Variants in BBS9 observed in about 807,000 individuals in gnomAD.
The protein encoded by BBS9 is Bardet-Biedl syndrome 9, also known as protein PTHB1.
A neutral mutation model predicts 117.7 loss-of-function variants in BBS9; 89 were observed. That is an observed-to-expected ratio of 0.76 (90% confidence interval 0.64 to 0.90). The LOEUF (loss-of-function observed/expected upper bound fraction) is 0.90. BBS9 is among the 40% of genes least tolerant of loss of function. The probability of loss-of-function intolerance (pLI) is 0.00; values close to 1 mark genes in which losing one functional copy is unlikely to be tolerated. For synonymous variants in BBS9, 379 were observed against 370.9 expected (o/e 1.02, Z -0.25); for missense variants, 982 against 1,042.2 (o/e 0.94, Z 0.80).
intron 19 of BBS9, among the ~76,000 whole-genome samples, chr7:33,499,830 C>A (rs976352637): frequency 6.6e-6 from 1 of 152,018 alleles, no homozygotes; most frequent in African/African-American, 2.4e-5. Flanking sequence ...TAGCACAGCC[C>A]CTGGCTCCTA....
At chr7:33,346,364 C>T (rs1216043475) in intron 12 of BBS9, 1 of 403,982 alleles carries the variant, frequency 2.5e-6, no homozygotes, top group East Asian at 7.5e-5. Flanking sequence ...CTATTCCAGG[C>T]AACTAGGCGA....
At chr7:33,575,890 T>A (rs527361763) in intron 21 of BBS9, among the ~76,000 whole-genome samples, 1 of 152,290 alleles carries the variant, frequency 6.6e-6, no homozygotes, top group South Asian at 2.1e-4. Context: ...AAACTAGGTA[T>A]TGATGGAACA....
chr7:33,454,948 T>A (rs1175503406), intron 19 of BBS9, among the ~76,000 whole-genome samples: 1 of 152,200 alleles, frequency 6.6e-6, no homozygotes, highest in Non-Finnish European at 1.5e-5. Flanking sequence ...TTTATCTTTC[T>A]GGTGTAAGAG....
At chr7:33,556,294 C>T (rs527434103) in intron 21 of BBS9, among the ~76,000 whole-genome samples, 5 of 152,164 alleles carry the variant, frequency 3.3e-5, no homozygotes, top group Non-Finnish European at 7.3e-5. Flanking sequence ...ATCCCTACCC[C>T]GACTTACTGT....
At chr7:33,562,884 A>G (rs1856301176) in intron 21 of BBS9, among the ~76,000 whole-genome samples, 1 of 152,150 alleles carries the variant, frequency 6.6e-6, no homozygotes. Context: ...GGATTGTGCC[A>G]CTGCACTCCA....
intron 21 of BBS9, among the ~76,000 whole-genome samples, chr7:33,558,632 A>G (rs899108549): frequency 1.1e-4 from 16 of 152,202 alleles, no homozygotes; most frequent in African/African-American, 3.6e-4. Flanking sequence ...TTATGAACCT[A>G]TTATCTCTTA....
intron 19 of BBS9, among the ~76,000 whole-genome samples, chr7:33,447,137 G>A (rs1837111733): frequency 6.6e-6 from 1 of 152,218 alleles, no homozygotes; most frequent in South Asian, 2.1e-4. Flanking sequence ...GGAAGAAATA[G>A]GAAAACAAAG....
chr7:33,467,011 TTCTC>T (rs576849835), intron 19 of BBS9, among the ~76,000 whole-genome samples: 14 of 105,180 alleles, frequency 1.3e-4, no homozygotes, highest in African/African-American at 4.3e-4. Context: ...CATTCATTCA[TTCTC>T]TCTCTCTCTC....
intron 9 of BBS9, among the ~76,000 whole-genome samples, chr7:33,303,701 G>T (rs1807076458): frequency 6.6e-6 from 1 of 152,054 alleles, no homozygotes; most frequent in African/African-American, 2.4e-5. Context: ...TGGAGACGGG[G>T]TTTCGCCGTG....
intron 21 of BBS9, among the ~76,000 whole-genome samples, chr7:33,564,981 G>A (rs1231618175): frequency 6.6e-6 from 1 of 152,180 alleles, no homozygotes; most frequent in Non-Finnish European, 1.5e-5. Flanking sequence ...AGGCTACACA[G>A]GGAAGTGAAA....
At chr7:33,508,264 T>C (rs1366820124) in intron 20 of BBS9, among the ~76,000 whole-genome samples, 1 of 152,224 alleles carries the variant, frequency 6.6e-6, no homozygotes, top group Admixed American at 6.5e-5. Context: ...TTTCTTTCCT[T>C]CTATGTTATC....
At chr7:33,611,578 G>T (rs1212551553) in intron 21 of BBS9, among the ~76,000 whole-genome samples, 1 of 120,596 alleles carries the variant, frequency 8.3e-6, no homozygotes, top group African/African-American at 3.5e-5. Context: ...AATATATAAG[G>T]TATATATTAT....
intron 19 of BBS9, among the ~76,000 whole-genome samples, chr7:33,436,267 G>T (rs1835290773): frequency 6.6e-6 from 1 of 152,182 alleles, no homozygotes; most frequent in African/African-American, 2.4e-5. Flanking sequence ...CATTGCTATT[G>T]CTGGTGATGT....
At chr7:33,250,858 G>A (rs1274187541) in intron 5 of BBS9, among the ~76,000 whole-genome samples, 6 of 152,182 alleles carry the variant, frequency 3.9e-5, no homozygotes, top group African/African-American at 9.7e-5. Flanking sequence ...TTACAAAGAT[G>A]AGTAAGATAT....
intron 19 of BBS9, among the ~76,000 whole-genome samples, chr7:33,411,011 G>GTTTTTTTTT (rs765425062): frequency 3.1e-5 from 3 of 96,424 alleles, no homozygotes; most frequent in Admixed American, 1.2e-4. Flanking sequence ...AAATGTTGGT[G>GTTTTTTTTT]TTTTTTTTTT....
chr7:33,358,874 G>A (rs1820112189), intron 16 of BBS9, among the ~76,000 whole-genome samples: 1 of 151,766 alleles, frequency 6.6e-6, no homozygotes, highest in South Asian at 2.1e-4. Context: ...CAACTTTTGT[G>A]TTATTAACTA....
rs537463233 is a variant in BBS9, at chr7:33,586,322, C to T, written c.2522-18543C>T. ...ATCACTAATCACCAGAGAAATGCCA[C>T]CCAAAACCACAATGGGATACCAACT... On this transcript the variant is annotated intron_variant, in intron 21 of 22. Coordinates refer to ENST00000242067, the MANE Select transcript of BBS9 (RefSeq NM_198428.3). Among the ~76,000 whole-genome samples the T allele has an allele frequency of 1.7e-3, 259 of 151,830 alleles. No homozygotes were observed. The Middle Eastern group carries it at 0.024, about 14-fold the overall frequency.
At chr7:33,340,096 GT>G (rs1161660212) in intron 10 of BBS9, among the ~76,000 whole-genome samples, 1 of 151,902 alleles carries the variant, frequency 6.6e-6, no homozygotes, top group Non-Finnish European at 1.5e-5. Flanking sequence ...AAAATAACAT[GT>G]GTATGGTAAA....
chr7:33,211,611 AC>A (rs1489718152), intron 5 of BBS9, among the ~76,000 whole-genome samples: 7 of 152,086 alleles, frequency 4.6e-5, no homozygotes, highest in East Asian at 1.9e-4. Flanking sequence ...TAGTCTTTCT[AC>A]TTAATGTAAG....
Sources: gnomAD v4.1 joint callset for allele counts (sites outside exome capture counted in the v4.1 genomes callset) on GRCh38, gnomAD v4.1.1 for gene constraint, MANE v1.5 for transcripts, NCBI Gene and HGNC (gene_info 2026-07-23, HGNC 2026-07-21) for gene names.